Variants in MINDY4 observed in about 807,000 individuals in gnomAD.
The protein encoded by MINDY4 is MINDY lysine 48 deubiquitinase 4.
MINDY4 carries 68 observed loss-of-function variants against 87.0 expected under a neutral mutation model. The observed-to-expected ratio is 0.78, with a 90% CI of 0.64 to 0.96. The LOEUF is 0.96. MINDY4 is among the 40% of genes least tolerant of loss of function. The pLI is 0.00. For synonymous variants in MINDY4, 379 were observed against 363.2 expected (o/e 1.04, Z -0.50); for missense variants, 919 against 928.2 (o/e 0.99, Z 0.13).
chr7:30,771,602 G>C (rs373631842), intron 1 of MINDY4, 46 bp downstream of exon 1: 96 of 1,556,392 alleles, frequency 6.2e-5, no homozygotes, highest in Middle Eastern at 1.7e-4. Flanking sequence ...CTCTAATTTG[G>C]GGGGATCATC....
Position 30,858,652 on chromosome 7 carries a change from A to AAAAT in MINDY4, c.1678-604_1678-603insAATA, listed in dbSNP as rs902536923. 24 of 73,970 alleles carry AAAAT rather than the reference A, an allele frequency of 3.2e-4. No homozygotes were observed. The African/African-American group carries it at 3.3e-3, about 10-fold the overall frequency. The allele number at this position is 73,970 out of a possible 1,614,324, so 4.6% of individuals were successfully genotyped here. Reference sequence around the variant, plus strand: ...AATACCAAAATGTTGATGTTTTAAAAATATATATATATATATATAAATTTA... The same window carrying AAAAT: ...AATACCAAAATGTTGATGTTTTAAAAAAATATATATATATATATATATAAATTTA... On this transcript the variant is annotated intron_variant, in intron 12 of 17. Transcript: ENST00000265299.
chr7:30,771,497 G>A lies in MINDY4; in HGVS notation c.4G>A (p.Asp2Asn), dbSNP rs754812917. Residue 2 changes from aspartate (D) to asparagine (N), a missense_variant, in exon 1 of 18, where the codon GAC becomes AAC. By Grantham distance (23) the Asp-to-Asn change is conservative. Coordinates refer to ENST00000265299, the MANE Select transcript of MINDY4 (RefSeq NM_032222.3). M[D>N]SLFVEEVAAS... ...GGGCAGAGCCAGAGCCAGAGCCATGGACAGCCTCTTCGTGGAGGAGGTGGC... is the reference window on the plus strand; with the variant it reads ...GGGCAGAGCCAGAGCCAGAGCCATGAACAGCCTCTTCGTGGAGGAGGTGGC... 6.2e-7 allele frequency: 1 copy of A among 1,605,186 alleles called. No individual in the cohort carries two copies. Among genetic ancestry groups the A allele is most frequent in the Non-Finnish European group, 8.5e-7 (1 of 1,177,048 alleles).
At chr7:30,781,740 C>G (rs1787013163) in intron 2 of MINDY4, 1 of 494,942 alleles carries the variant, frequency 2.0e-6, no homozygotes, top group Non-Finnish European at 3.5e-6. Context: ...ATTGAATCAC[C>G]TGCCTCATGC....
rs372322271 is a variant in MINDY4 at position 30,875,674 on chromosome 7, T to G, written c.1971+18T>G. ...TGTGCCAGGTACCCAGATGCTCACG[T>G]TCACCACAAGTAGGGGAGCCTGACT... is the stretch of plus-strand genomic sequence containing the variant. On this transcript the variant is annotated intron_variant, in intron 15 of 17. Coordinates refer to ENST00000265299, the MANE Select transcript of MINDY4 (RefSeq NM_032222.3). 8.8e-6 allele frequency: 14 copies of G among 1,591,626 alleles called. No individual in the cohort carries two copies. The highest frequency in any genetic ancestry group is 1.7e-5 in the Admixed American group (1 of 58,754).
intron 9 of MINDY4, 132 bp from the exon 10 acceptor site, chr7:30,850,322 G>T: frequency 1.3e-6 from 1 of 790,412 alleles, no homozygotes; most frequent in Non-Finnish European, 2.1e-6. Flanking sequence ...CTGGGCTGCA[G>T]GTGGCCCCTC....
rs573722457 is a variant in MINDY4, at chr7:30,836,028, TTTGA to T, written c.1133-623_1133-620del. On this transcript the variant is annotated intron_variant, in intron 6 of 17. Coordinates refer to ENST00000265299, the MANE Select transcript of MINDY4 (RefSeq NM_032222.3). ...GAGTCACTCTCTCTGCCACTTTCCA[TTTGA>T]TTGATTTGGGGCCAGTTACTTAACT... 7.9e-5 allele frequency among the ~76,000 whole-genome samples: 12 copies of T among 152,284 alleles called. No homozygotes were observed. The East Asian group carries it at 1.5e-3, about 20-fold the overall frequency.
At chr7:30,812,275 G>GGC (rs1788025906) in intron 5 of MINDY4, among the ~76,000 whole-genome samples, 1 of 91,406 alleles carries the variant, frequency 1.1e-5, no homozygotes, top group African/African-American at 5.2e-5. Context: ...GTGTTGAGGG[G>GGC]GGGGGGGTAT....
chr7:30,849,757 C>A (rs1254301793), intron 9 of MINDY4, among the ~76,000 whole-genome samples: 1 of 152,230 alleles, frequency 6.6e-6, no homozygotes, highest in Non-Finnish European at 1.5e-5. Flanking sequence ...TTCTACATGT[C>A]TGACAGCCTT....
intron 5 of MINDY4, among the ~76,000 whole-genome samples, chr7:30,799,427 A>C (rs1787586147): frequency 6.6e-6 from 1 of 152,202 alleles, no homozygotes; most frequent in South Asian, 2.1e-4. Context: ...CCCAGCCCTG[A>C]GTATGAGCAT....
chr7:30,852,418 T>G (rs966277143), intron 11 of MINDY4, 139 bp downstream of exon 11: 260 of 1,486,574 alleles, frequency 1.7e-4, no homozygotes, highest in Non-Finnish European at 2.2e-4. Context: ...ATCCTGGGAT[T>G]AGGGTGGGGA....
chr7:30,892,075 C>T lies in MINDY4; in HGVS notation c.*70C>T, dbSNP rs1476618303. ...ATCACCGAGGATGACAGCTGAACCCCAAGCCTCTGGGGCAGGTCTCATGTA... is the reference window on the plus strand; with the variant it reads ...ATCACCGAGGATGACAGCTGAACCCTAAGCCTCTGGGGCAGGTCTCATGTA... On this transcript the variant is annotated 3_prime_UTR_variant, in exon 18 of 18. Coordinates refer to ENST00000265299, the MANE Select transcript of MINDY4 (RefSeq NM_032222.3). 2.6e-6 allele frequency: 4 copies of T among 1,563,704 alleles called. No individual in the cohort carries two copies. The highest frequency in any genetic ancestry group is 3.5e-6 in the Non-Finnish European group (4 of 1,134,566).
chr7:30,854,856 C>T (rs1271592587), intron 12 of MINDY4, among the ~76,000 whole-genome samples: 1 of 152,246 alleles, frequency 6.6e-6, no homozygotes, highest in African/African-American at 2.4e-5. Flanking sequence ...ACCGGAGGGG[C>T]AATCCACCTG....
intron 13 of MINDY4, among the ~76,000 whole-genome samples, chr7:30,865,939 A>G (rs934085163): frequency 6.6e-6 from 1 of 152,168 alleles, no homozygotes; most frequent in Non-Finnish European, 1.5e-5. Context: ...ATGAGGCCCT[A>G]GATAGGCCCA....
At chr7:30,785,392 C>G (rs1217493658) in intron 3 of MINDY4, among the ~76,000 whole-genome samples, 2 of 152,128 alleles carry the variant, frequency 1.3e-5, no homozygotes, top group African/African-American at 4.8e-5. Context: ...TGGTGTGCGG[C>G]AAGGCTGGGC....
intron 5 of MINDY4, among the ~76,000 whole-genome samples, chr7:30,801,903 A>C (rs1229944283): frequency 1.3e-5 from 2 of 152,214 alleles, no homozygotes; most frequent in African/African-American, 4.8e-5. Context: ...ATCTGTGGAC[A>C]TCAGCATGGC....
intron 14 of MINDY4, among the ~76,000 whole-genome samples, chr7:30,872,658 G>T (rs1301079395): frequency 6.6e-6 from 1 of 152,202 alleles, no homozygotes; most frequent in East Asian, 1.9e-4. Context: ...GGGGACCCTG[G>T]GTCCAGCTGG....
chr7:30,890,113 G>T (rs866289817), intron 17 of MINDY4, among the ~76,000 whole-genome samples: 1 of 152,334 alleles, frequency 6.6e-6, no homozygotes, highest in African/African-American at 2.4e-5. Context: ...GGAGGAGGAC[G>T]CAGAGAAAGT....
intron 14 of MINDY4, among the ~76,000 whole-genome samples, chr7:30,872,926 T>C (rs1036271265): frequency 4.6e-5 from 7 of 152,216 alleles, no homozygotes; most frequent in African/African-American, 1.7e-4. Context: ...TTTCTCCCCA[T>C]GATGAGGCCT....
intron 5 of MINDY4, among the ~76,000 whole-genome samples, chr7:30,820,370 T>C (rs986283684): frequency 6.6e-6 from 1 of 152,240 alleles, no homozygotes; most frequent in Admixed American, 6.5e-5. Context: ...CTTTTCTTGC[T>C]TTCTTATTTT....
Sources: gnomAD v4.1 joint callset for allele counts (sites outside exome capture counted in the v4.1 genomes callset) on GRCh38, gnomAD v4.1.1 for gene constraint, MANE v1.5 for transcripts, NCBI Gene and HGNC (gene_info 2026-07-23, HGNC 2026-07-21) for gene names.